FER1L6: variants seen among roughly 807,000 people sequenced by gnomAD.
FER1L6 encodes fer-1 like family member 6.
FER1L6 carries 177 observed loss-of-function variants against 219.2 expected under a neutral mutation model. The ratio of observed to expected loss-of-function variants is 0.81; its 90% CI spans 0.71 to 0.91. The LOEUF is 0.91. Among genes scored for constraint, FER1L6 ranks in the 40% least tolerant of loss-of-function variants. FER1L6 has a pLI of 0.00. For synonymous variants in FER1L6, 768 were observed against 824.3 expected, an observed-to-expected ratio of 0.93 and a Z score of 1.17; for missense variants, 2,153 against 2,259.9, an observed-to-expected ratio of 0.95 and a Z score of 0.96.
At chr8:124,114,894 CGT>C (rs1491184616) in intron 39 of FER1L6, among the ~76,000 whole-genome samples, 15 of 30,966 alleles carry the variant, frequency 4.8e-4, no homozygotes, top group East Asian at 2.0e-3. Context: ...TGTGTGTGTG[CGT>C]ATATATATAT....
chr8:123,929,007 C>T (rs16899069), intron 1 of FER1L6, among the ~76,000 whole-genome samples: 2 of 152,062 alleles, frequency 1.3e-5, no homozygotes, highest in Admixed American at 6.5e-5. Flanking sequence ...AGTGTGAATC[C>T]GTGAGTTTGG....
At chr8:123,905,324 G>A (rs1257308532) in intron 1 of FER1L6, among the ~76,000 whole-genome samples, 1 of 152,142 alleles carries the variant, frequency 6.6e-6, no homozygotes, top group Non-Finnish European at 1.5e-5. Flanking sequence ...AAGTGAGAAC[G>A]TGTGGTGTTG....
chr8:123,869,485 T>TTC (rs1816890629), intron 1 of FER1L6, among the ~76,000 whole-genome samples: 1 of 152,172 alleles, frequency 6.6e-6, no homozygotes, highest in Non-Finnish European at 1.5e-5. Flanking sequence ...CATCCTGTAT[T>TTC]ATCTGACTGG....
Position 124,117,913 on chromosome 8 carries a change from T to C in FER1L6, c.5290-931T>C, listed in dbSNP as rs1823317610. 3.3e-5 allele frequency among the ~76,000 whole-genome samples: 5 copies of C among 152,224 alleles called. No individual in the cohort carries two copies. In the South Asian group the frequency reaches 1.0e-3, roughly 32 times the overall value. ...CAAGTAATGCCCAGTCCATGTGTGATTCAGAGGAAGAAGCTTTATCAGCAA... is the reference window on the plus strand; with the variant it reads ...CAAGTAATGCCCAGTCCATGTGTGACTCAGAGGAAGAAGCTTTATCAGCAA... On this transcript the variant is annotated intron_variant, in intron 39 of 40. Transcript: ENST00000522917.
chr8:123,950,597 T>G (rs1814714290), intron 1 of FER1L6, among the ~76,000 whole-genome samples: 1 of 152,202 alleles, frequency 6.6e-6, no homozygotes, highest in African/African-American at 2.4e-5. Context: ...CTTGGAGGTG[T>G]ATTTCCTAGA....
intron 1 of FER1L6, among the ~76,000 whole-genome samples, chr8:123,874,464 G>A (rs950971342): frequency 1.4e-4 from 22 of 152,178 alleles, no homozygotes; most frequent in African/African-American, 5.1e-4. Context: ...ATCAGTCCCT[G>A]CTAATAGTAA....
At position 124,069,061 on chromosome 8, in the gene FER1L6, C is replaced by T. The variant is rs555534691; in HGVS notation, c.3719-299C>T. ...ACACTATTCTCCTGCCTCAGCCTCC[C>T]GAGTAGCTGGGACTACAGGCGCCCG... On this transcript the variant is annotated intron_variant, in intron 28 of 40. Coordinates refer to ENST00000522917, the MANE Select transcript of FER1L6 (RefSeq NM_001039112.2). Among the ~76,000 whole-genome samples the T allele has an allele frequency of 7.9e-5, 12 of 152,068 alleles. No homozygotes were observed. The South Asian group carries it at 1.5e-3, about 19-fold the overall frequency.
At chr8:124,015,588 T>TACATAC (rs56775341) in intron 15 of FER1L6, among the ~76,000 whole-genome samples, 2 of 84,424 alleles carry the variant, frequency 2.4e-5, no homozygotes, top group African/African-American at 1.2e-4. Flanking sequence ...TATATATATA[T>TACATAC]ATATATATAT....
intron 1 of FER1L6, among the ~76,000 whole-genome samples, chr8:123,889,454 G>A (rs1019276769): frequency 5.9e-5 from 9 of 152,050 alleles, no homozygotes; most frequent in South Asian, 2.1e-4. Context: ...TGTTTCTAAA[G>A]GTTGTGGAAT....
At chr8:123,995,475 C>T (rs1273647725) in intron 12 of FER1L6, among the ~76,000 whole-genome samples, 10 of 152,124 alleles carry the variant, frequency 6.6e-5, no homozygotes, top group Non-Finnish European at 1.0e-4. Context: ...TTGTTCATAG[C>T]AGTCTCTAAT....
chr8:123,950,790 A>T (rs1305376219), intron 1 of FER1L6, among the ~76,000 whole-genome samples: 1 of 152,208 alleles, frequency 6.6e-6, no homozygotes, highest in Non-Finnish European at 1.5e-5. Flanking sequence ...GCAAGAATGA[A>T]CTGCCTCCCG....
intron 32 of FER1L6, 88 bp downstream of exon 32, chr8:124,076,413 T>C: frequency 2.3e-6 from 3 of 1,311,112 alleles, no homozygotes. Flanking sequence ...TATGTTTGTG[T>C]TCCTGGGTGA....
At chr8:124,011,454 C>T (rs923687160) in intron 14 of FER1L6, among the ~76,000 whole-genome samples, 1 of 152,166 alleles carries the variant, frequency 6.6e-6, no homozygotes, top group Non-Finnish European at 1.5e-5. Flanking sequence ...CTTCTGGGCT[C>T]AAGTAATCCT....
At chr8:123,863,930 A>T (rs1816786670) in intron 1 of FER1L6, among the ~76,000 whole-genome samples, 1 of 150,808 alleles carries the variant, frequency 6.6e-6, no homozygotes, top group Non-Finnish European at 1.5e-5. Context: ...TTGACTCTTT[A>T]TCCAACTTGC....
chr8:124,002,535 A>G (rs926021858), intron 12 of FER1L6, among the ~76,000 whole-genome samples: 3 of 152,222 alleles, frequency 2.0e-5, no homozygotes, highest in Non-Finnish European at 2.9e-5. Context: ...AGCATTTGAA[A>G]TTAGATTACA....
At chr8:124,027,413 A>C (rs1260539508) in intron 18 of FER1L6, among the ~76,000 whole-genome samples, 1 of 152,220 alleles carries the variant, frequency 6.6e-6, no homozygotes, top group Non-Finnish European at 1.5e-5. Flanking sequence ...AAGAACATGT[A>C]GTTGTGCCTC....
Position 124,082,336 on chromosome 8 carries a change from C to T in FER1L6, c.4269C>T (p.Ile1423=). Residue 1423 remains isoleucine (I), a synonymous_variant, in exon 33 of 41, where the codon ATC becomes ATT. Transcript: ENST00000522917. ...ATFPKESLLS[I]LIYDHDMIGT... ...TCCCAAAAGAGTCCCTGCTCTCCAT[C>T]CTGATCTATGACCATGACATGATTG... is the stretch of plus-strand genomic sequence containing the variant. The T allele has an allele frequency of 1.2e-6, 2 of 1,613,982 alleles. No individual in the cohort carries two copies. The highest frequency in any genetic ancestry group is 3.3e-5 in the Admixed American group (2 of 60,010).
At chr8:123,925,152 C>T (rs1051524228) in intron 1 of FER1L6, among the ~76,000 whole-genome samples, 10 of 152,278 alleles carry the variant, frequency 6.6e-5, no homozygotes, top group African/African-American at 2.4e-4. Flanking sequence ...AAAACAGTGG[C>T]TTCAATAGAT....
intron 1 of FER1L6, among the ~76,000 whole-genome samples, chr8:123,872,043 C>T (rs2130278433): frequency 6.6e-6 from 1 of 152,238 alleles, no homozygotes; most frequent in Non-Finnish European, 1.5e-5. Context: ...GGAGAGGCCT[C>T]AGGAAGCTTC....
Sources: gnomAD v4.1 joint callset for allele counts (sites outside exome capture counted in the v4.1 genomes callset) on GRCh38, gnomAD v4.1.1 for gene constraint, MANE v1.5 for transcripts, NCBI Gene and HGNC (gene_info 2026-07-23, HGNC 2026-07-21) for gene names.